Variants in TGFBR3 observed in about 807,000 individuals in gnomAD.
The protein encoded by TGFBR3 is transforming growth factor beta receptor type 3.
In TGFBR3, 46 loss-of-function variants were observed where a neutral mutation model predicts 87.9. The observed-to-expected ratio is 0.52, with a 90% CI of 0.41 to 0.67. The LOEUF (loss-of-function observed/expected upper bound fraction) is 0.67, where lower values mean the gene tolerates loss of function less well. TGFBR3 is among the 30% of genes least tolerant of loss of function. The pLI, the probability that TGFBR3 is intolerant of heterozygous loss-of-function variation, is 0.00. For synonymous variants in TGFBR3, 381 were observed against 391.6 expected (o/e 0.97, Z 0.32); for missense variants, 866 against 1,041.9 (o/e 0.83, Z 2.32).
chr1:91,714,457 T>C, intron 12 of TGFBR3, among the ~76,000 whole-genome samples: 1 of 151,996 alleles, frequency 6.6e-6, no homozygotes, highest in Non-Finnish European at 1.5e-5. Context: ...ACTTGGATTA[T>C]GAAAGGGACT....
chr1:91,818,758 C>G (rs926543439), intron 2 of TGFBR3, among the ~76,000 whole-genome samples: 2 of 152,140 alleles, frequency 1.3e-5, no homozygotes, highest in Non-Finnish European at 2.9e-5. Flanking sequence ...CCTGCATCAC[C>G]ACACACTGAG....
In TGFBR3 at chr1:91,720,002, A is replaced by G. The variant is rs118059179; in HGVS notation, c.1304T>C (p.Phe435Ser). The G allele has an allele frequency of 9.9e-6, 16 of 1,614,196 alleles. No individual in the cohort carries two copies. The highest frequency in any genetic ancestry group is 4.5e-5 in the East Asian group (2 of 44,878). ...CTCTTCTGGCTCTCTGAGACCAGGA[A>G]ACAGTTGTATGCTGGGAATGACAGG... ...KDPVIPSIQL[F>S]PGLREPEEVQ... Residue 435 changes from phenylalanine (F) to serine (S), a missense_variant, in exon 9 of 17, where the codon TTT (phenylalanine) becomes TCT (serine). Phe to Ser is a radical substitution (Grantham distance 155). Coordinates refer to ENST00000212355, the MANE Select transcript of TGFBR3 (RefSeq NM_003243.5).
chr1:91,702,871 C>T (rs976563612), intron 14 of TGFBR3, among the ~76,000 whole-genome samples: 4 of 152,080 alleles, frequency 2.6e-5, no homozygotes, highest in African/African-American at 4.8e-5. Flanking sequence ...ATGGTGAAAC[C>T]CTGTATCTAT....
chr1:91,753,583 C>T (rs141935522), intron 4 of TGFBR3, among the ~76,000 whole-genome samples: 45 of 152,158 alleles, frequency 3.0e-4, no homozygotes, highest in African/African-American at 9.4e-4. Context: ...AAAGAAATCT[C>T]GTATCATTAG....
chr1:91,852,388 A>ATG (rs910670235), intron 2 of TGFBR3, among the ~76,000 whole-genome samples: 3 of 152,104 alleles, frequency 2.0e-5, no homozygotes, highest in Admixed American at 6.5e-5. Context: ...GTGTGTGTGT[A>ATG]TGTGTGTGTG....
At chr1:91,720,265 T>C (rs569397409) in intron 8 of TGFBR3, 35 bp from the exon 9 acceptor site, 57 of 1,543,888 alleles carry the variant, frequency 3.7e-5, no homozygotes, top group Non-Finnish European at 4.9e-5. Flanking sequence ...TCAGCAGTGT[T>C]TGATGCCAGG....
At chr1:91,853,061 T>TG (rs1051669797) in intron 2 of TGFBR3, among the ~76,000 whole-genome samples, 6 of 150,480 alleles carry the variant, frequency 4.0e-5, no homozygotes, top group Non-Finnish European at 7.4e-5. Flanking sequence ...TGGGGGTCTG[T>TG]GGGGGGAAAA....
chr1:91,745,068 T>C (rs1673293281), intron 4 of TGFBR3, among the ~76,000 whole-genome samples: 1 of 152,210 alleles, frequency 6.6e-6, no homozygotes, highest in Non-Finnish European at 1.5e-5. Flanking sequence ...CATTTGGAAC[T>C]TGAGTTATCA....
Position 91,727,989 on chromosome 1 carries a change from T to C in TGFBR3, c.738-183A>G. On this transcript the variant is annotated intron_variant, in intron 6 of 16. Transcript: ENST00000212355. The stretch of plus-strand genomic sequence containing the variant: ...GCACACATAACAAAATTGTTTTACA[T>C]AACAATAGAAACATATGCTTGCTGA... The C allele has an allele frequency of 6.0e-6, 4 of 663,604 alleles. No individual in the cohort carries two copies. The South Asian group carries it at 7.2e-5, about 12-fold the overall frequency. The allele number at this position is 663,604 out of a possible 1,614,324, so 41.1% of individuals were successfully genotyped here.
In TGFBR3 at chr1:91,781,289, T is replaced by G. The variant is rs563581895; in HGVS notation, c.246+15998A>C. Among the ~76,000 whole-genome samples the G allele has an allele frequency of 3.9e-4, 59 of 152,314 alleles. 1 individual carries two copies. Among genetic ancestry groups the G allele is most frequent in the Admixed American group, 6.5e-4 (10 of 15,304 alleles). ...TGTTTCATCTGTTCATGCTCTTGTG[T>G]GGCCTCACTCAAACAGCAAAATGGC... is the stretch of plus-strand genomic sequence containing the variant. On this transcript the variant is annotated intron_variant, in intron 3 of 16. Transcript: ENST00000212355.
chr1:91,744,236 C>T (rs1324946432), intron 4 of TGFBR3, among the ~76,000 whole-genome samples: 2 of 151,924 alleles, frequency 1.3e-5, no homozygotes, highest in African/African-American at 4.8e-5. Flanking sequence ...AGGCACCTGC[C>T]ACCATGCCCG....
intron 1 of TGFBR3, among the ~76,000 whole-genome samples, chr1:91,863,023 G>A (rs987942917): frequency 1.3e-5 from 2 of 152,162 alleles, no homozygotes; most frequent in African/African-American, 2.4e-5. Flanking sequence ...GTGACAAAGA[G>A]AGATATTTAA....
chr1:91,693,755 A>G (rs111887940), intron 16 of TGFBR3, among the ~76,000 whole-genome samples: 3,022 of 152,112 alleles, frequency 0.02, 88 homozygotes, highest in African/African-American at 0.068. Flanking sequence ...TTTCAAACTC[A>G]CTCCCAACAG....
intron 1 of TGFBR3, among the ~76,000 whole-genome samples, chr1:91,876,031 A>G (rs1045306253): frequency 3.3e-5 from 5 of 151,956 alleles, no homozygotes; most frequent in Non-Finnish European, 2.9e-5. Flanking sequence ...AAATGGGGGA[A>G]AAAGGATAGT....
At chr1:91,788,695 C>T (rs1340872063) in intron 3 of TGFBR3, among the ~76,000 whole-genome samples, 4 of 152,208 alleles carry the variant, frequency 2.6e-5, no homozygotes, top group Admixed American at 1.3e-4. Flanking sequence ...ACGCTGCACA[C>T]GCATGCACTG....
intron 4 of TGFBR3, among the ~76,000 whole-genome samples, chr1:91,737,711 A>G (rs1448931962): frequency 6.6e-6 from 1 of 152,060 alleles, no homozygotes; most frequent in African/African-American, 2.4e-5. Context: ...CCTCAATCAC[A>G]TGTTTGCTTT....
At chr1:91,699,643 C>A (rs1267792606) in intron 14 of TGFBR3, among the ~76,000 whole-genome samples, 1 of 152,038 alleles carries the variant, frequency 6.6e-6, no homozygotes, top group African/African-American at 2.4e-5. Flanking sequence ...TGCACCAGTG[C>A]CATGAAGAAG....
At chr1:91,699,124 C>G (rs1487388533) in intron 14 of TGFBR3, among the ~76,000 whole-genome samples, 1 of 152,220 alleles carries the variant, frequency 6.6e-6, no homozygotes, top group Non-Finnish European at 1.5e-5. Context: ...TCTCTATCCT[C>G]TCTCTCCAGC....
intron 1 of TGFBR3, among the ~76,000 whole-genome samples, chr1:91,869,389 G>A (rs1678501916): frequency 6.6e-6 from 1 of 152,180 alleles, no homozygotes. Flanking sequence ...TACAGGCCGG[G>A]AGTGGTAGCT....
Sources: gnomAD v4.1 joint callset for allele counts (sites outside exome capture counted in the v4.1 genomes callset) on GRCh38, gnomAD v4.1.1 for gene constraint, MANE v1.5 for transcripts, NCBI Gene and HGNC (gene_info 2026-07-23, HGNC 2026-07-21) for gene names.